THSD7B: variants seen among roughly 807,000 people sequenced by gnomAD.
THSD7B encodes thrombospondin type 1 domain containing 7B.
THSD7B carries 138 observed loss-of-function variants against 213.6 expected under a neutral mutation model. The ratio of observed to expected loss-of-function variants is 0.65; its 90% CI spans 0.56 to 0.74. The LOEUF (loss-of-function observed/expected upper bound fraction) is 0.74, where lower values mean the gene tolerates loss of function less well. Among genes scored for constraint, THSD7B ranks in the 30% least tolerant of loss-of-function variants. The pLI is 0.00. For missense variants in THSD7B, 1,931 were observed against 1,991.5 expected, an observed-to-expected ratio of 0.97 and a Z score of 0.58; for synonymous variants, 742 against 687.0, an observed-to-expected ratio of 1.08 and a Z score of -1.25.
intron 12 of THSD7B, among the ~76,000 whole-genome samples, chr2:137,394,760 C>A (rs1315624852): frequency 2.2e-5 from 3 of 137,114 alleles, no homozygotes; most frequent in Non-Finnish European, 4.8e-5. Flanking sequence ...GGCAGTATGG[C>A]CATTTTCACG....
At chr2:136,987,163 T>A (rs182908223) in intron 2 of THSD7B, among the ~76,000 whole-genome samples, 1 of 152,344 alleles carries the variant, frequency 6.6e-6, no homozygotes, top group Admixed American at 6.5e-5. Context: ...CATATCTAGG[T>A]CTGTCTCAGC....
intron 15 of THSD7B, among the ~76,000 whole-genome samples, chr2:137,551,668 T>C (rs1219993386): frequency 1.3e-5 from 2 of 152,244 alleles, no homozygotes; most frequent in African/African-American, 2.4e-5. Flanking sequence ...TTTAGTATTA[T>C]TAGTTTCATT....
At chr2:136,810,479 C>T (rs1267167494) in intron 1 of THSD7B, among the ~76,000 whole-genome samples, 2 of 152,210 alleles carry the variant, frequency 1.3e-5, no homozygotes, top group East Asian at 3.8e-4. Flanking sequence ...CCACTGCAGT[C>T]TGAAGATAAT....
chr2:137,272,242 C>T (rs910197051), intron 10 of THSD7B, among the ~76,000 whole-genome samples: 2 of 151,972 alleles, frequency 1.3e-5, no homozygotes, highest in African/African-American at 2.4e-5. Context: ...GGGGCCCCTT[C>T]GATCATGCCA....
In THSD7B at chr2:137,563,260, T is replaced by C. The variant is rs1681159844; in HGVS notation, c.3178T>C (p.Tyr1060His). 1 of 1,613,382 alleles carries C rather than the reference T, an allele frequency of 6.2e-7. No individual in the cohort carries two copies. The highest frequency in any genetic ancestry group is 8.5e-7 in the Non-Finnish European group (1 of 1,179,618). The change falls in exon 16 of 28, where the codon TAT becomes CAT. Residue 1060 changes from tyrosine to histidine, a missense_variant. Tyr to His is a moderately conservative substitution (Grantham distance 83). Coordinates refer to ENST00000409968, the MANE Select transcript of THSD7B (RefSeq NM_001316349.2). ...CCCATGTTACAGTGAGTGCAATCAG[T>C]ATTCCTGGGTTGTAGAACACTGGTC... ...AVPCYSECNQ[Y>H]SWVVEHWSSC...
At chr2:137,545,430 C>T (rs1331734865) in intron 15 of THSD7B, among the ~76,000 whole-genome samples, 1 of 151,792 alleles carries the variant, frequency 6.6e-6, no homozygotes, top group Admixed American at 6.6e-5. Context: ...CACCAGACCA[C>T]AGATAATCTT....
In THSD7B at chr2:137,240,380, G is replaced by A. The variant is rs1573906481; in HGVS notation, c.2151-2077G>A. Among the ~76,000 whole-genome samples the A allele has an allele frequency of 3.9e-5, 6 of 152,312 alleles. 1 individual carries two copies. The South Asian group carries it at 1.2e-3, about 32-fold the overall frequency. The stretch of plus-strand genomic sequence containing the variant: ...ATAATTATGTAAGTTGATGAGGTCT[G>A]ATGTCACTCAGATTCCTCTCCCTTC... On this transcript the variant is annotated intron_variant, in intron 9 of 27. Coordinates refer to ENST00000409968, the MANE Select transcript of THSD7B (RefSeq NM_001316349.2).
At chr2:136,788,138 G>T (rs1195115987) in intron 1 of THSD7B, among the ~76,000 whole-genome samples, 4 of 152,208 alleles carry the variant, frequency 2.6e-5, no homozygotes, top group African/African-American at 7.2e-5. Context: ...TTGACTTGAA[G>T]GCATCTGGAT....
At chr2:137,454,079 C>T (rs1573635030) in intron 15 of THSD7B, among the ~76,000 whole-genome samples, 1 of 152,126 alleles carries the variant, frequency 6.6e-6, no homozygotes, top group Non-Finnish European at 1.5e-5. Flanking sequence ...TATGGGAGTG[C>T]AGACATCTCT....
At chr2:137,302,177 G>A (rs1361653989) in intron 12 of THSD7B, among the ~76,000 whole-genome samples, 1 of 152,068 alleles carries the variant, frequency 6.6e-6, no homozygotes, top group African/African-American at 2.4e-5. Context: ...TCATCACATA[G>A]TTGATATTTA....
At chr2:136,964,634 A>C (rs1685282654) in intron 2 of THSD7B, among the ~76,000 whole-genome samples, 1 of 152,078 alleles carries the variant, frequency 6.6e-6, no homozygotes, top group South Asian at 2.1e-4. Flanking sequence ...ATTCTATAAC[A>C]TCTTCCATCT....
At chr2:137,463,490 C>T (rs368659352) in intron 15 of THSD7B, among the ~76,000 whole-genome samples, 3 of 151,912 alleles carry the variant, frequency 2.0e-5, no homozygotes, top group East Asian at 1.9e-4. Context: ...ATATAACATG[C>T]TGCCCCTACC....
chr2:137,569,825 G>A (rs1425695603), intron 16 of THSD7B, among the ~76,000 whole-genome samples: 1 of 151,082 alleles, frequency 6.6e-6, no homozygotes, highest in Admixed American at 6.6e-5. Flanking sequence ...TATTATTATT[G>A]TTTTGGTAAC....
chr2:137,315,042 G>A (rs1684050567), intron 12 of THSD7B, among the ~76,000 whole-genome samples: 1 of 152,212 alleles, frequency 6.6e-6, no homozygotes, highest in Non-Finnish European at 1.5e-5. Flanking sequence ...CACCCAGTTC[G>A]AGCTTCCCAG....
chr2:137,608,892 G>A (rs1682236819), intron 17 of THSD7B, among the ~76,000 whole-genome samples: 1 of 152,192 alleles, frequency 6.6e-6, no homozygotes, highest in Admixed American at 6.5e-5. Flanking sequence ...TTAGTTTATA[G>A]TGTTTCAATC....
intron 26 of THSD7B, among the ~76,000 whole-genome samples, chr2:137,665,125 T>C (rs1476440355): frequency 6.6e-6 from 1 of 152,242 alleles, no homozygotes; most frequent in Non-Finnish European, 1.5e-5. Context: ...CCAAAGGTGT[T>C]TAAAAACATC....
intron 12 of THSD7B, among the ~76,000 whole-genome samples, chr2:137,283,641 C>T (rs1217825871): frequency 6.6e-6 from 1 of 152,160 alleles, no homozygotes; most frequent in Middle Eastern, 3.2e-3. Context: ...GCCTTTTCTG[C>T]ATCTGTTGAG....
chr2:136,910,576 G>A (rs1227131274), intron 2 of THSD7B, among the ~76,000 whole-genome samples: 1 of 152,200 alleles, frequency 6.6e-6, no homozygotes, highest in Non-Finnish European at 1.5e-5. Flanking sequence ...TGAGGTGTTA[G>A]TGAATGTTAT....
At chr2:136,890,052 T>C (rs1364149482) in intron 2 of THSD7B, among the ~76,000 whole-genome samples, 1 of 152,166 alleles carries the variant, frequency 6.6e-6, no homozygotes, top group Non-Finnish European at 1.5e-5. Flanking sequence ...TTCAGAATTT[T>C]GAAAGTCTTG....
Sources: gnomAD v4.1 joint callset for allele counts (sites outside exome capture counted in the v4.1 genomes callset) on GRCh38, gnomAD v4.1.1 for gene constraint, MANE v1.5 for transcripts, NCBI Gene and HGNC (gene_info 2026-07-23, HGNC 2026-07-21) for gene names.